NLK: variants seen among roughly 807,000 people sequenced by gnomAD.
NLK encodes serine/threonine-protein kinase NLK.
NLK carries 11 observed loss-of-function variants against 59.0 expected under a neutral mutation model. The ratio of observed to expected loss-of-function variants is 0.19; its 90% CI spans 0.12 to 0.31. NLK has a LOEUF of 0.31. Ranked by LOEUF, NLK falls within the 10% of genes least tolerant of loss-of-function variation. The probability of loss-of-function intolerance (pLI) is 1.00; values close to 1 mark genes in which losing one functional copy is unlikely to be tolerated. For synonymous variants in NLK, 235 were observed against 235.9 expected (o/e 1.00, Z 0.03); for missense variants, 410 against 661.1 (o/e 0.62, Z 4.16).
intron 3 of NLK, among the ~76,000 whole-genome samples, chr17:28,158,808 T>C (rs779573318): frequency 1.3e-5 from 2 of 152,150 alleles, no homozygotes; most frequent in Non-Finnish European, 2.9e-5. Flanking sequence ...AAGTTTTTTG[T>C]AGAGTTGAGG....
Position 28,194,845 on chromosome 17 carries a change from T to G in NLK, c.*209T>G. On this transcript the variant is annotated 3_prime_UTR_variant, in exon 11 of 11. Coordinates refer to ENST00000407008, the MANE Select transcript of NLK (RefSeq NM_016231.5). ...TGGTTGTGCTTTTAGAAGAAAAATA[T>G]TTTACCCAGAGTTGCACATGTTTTA... 1 of 392,974 alleles carries G rather than the reference T, an allele frequency of 2.5e-6. No homozygotes were observed. Among genetic ancestry groups the G allele is most frequent in the Non-Finnish European group, 4.5e-6 (1 of 221,278 alleles). The allele number at this position is 392,974 out of a possible 1,614,324, so 24.3% of individuals were successfully genotyped here. A position where few individuals can be genotyped will look rare whatever the true frequency, so the allele number is the denominator to read the frequency against.
At chr17:28,165,991 G>A (rs1183856846) in intron 5 of NLK, among the ~76,000 whole-genome samples, 2 of 152,208 alleles carry the variant, frequency 1.3e-5, no homozygotes, top group African/African-American at 4.8e-5. Context: ...GAGGTGGGCA[G>A]ATCACTTGAG....
At chr17:28,142,203 C>CT (rs955746134) in intron 3 of NLK, among the ~76,000 whole-genome samples, 1 of 151,684 alleles carries the variant, frequency 6.6e-6, no homozygotes, top group East Asian at 1.9e-4. Flanking sequence ...CCGCTTTTTT[C>CT]TTTTTTTTCT....
At chr17:28,096,949 G>C (rs572839221) in intron 1 of NLK, among the ~76,000 whole-genome samples, 1 of 152,124 alleles carries the variant, frequency 6.6e-6, no homozygotes, top group Non-Finnish European at 1.5e-5. Context: ...ACAGTGATAG[G>C]ATGGAGCCTT....
chr17:28,169,210 T>C (rs1908364648), intron 6 of NLK, among the ~76,000 whole-genome samples: 1 of 152,226 alleles, frequency 6.6e-6, no homozygotes, highest in Non-Finnish European at 1.5e-5. Flanking sequence ...TATGCACTGA[T>C]GCATAGCTGT....
chr17:28,086,572 A>G (rs868653243), intron 1 of NLK, among the ~76,000 whole-genome samples: 14 of 152,140 alleles, frequency 9.2e-5, no homozygotes, highest in Non-Finnish European at 7.3e-5. Context: ...GCAAACCTAC[A>G]TAACTGAATT....
chr17:28,045,187 AC>A (rs143943023), intron 1 of NLK, among the ~76,000 whole-genome samples: 19 of 152,288 alleles, frequency 1.2e-4, no homozygotes, highest in Non-Finnish European at 8.8e-5. Flanking sequence ...TGTCTCATGT[AC>A]TTAAAGTACA....
At chr17:28,132,823 C>G in intron 3 of NLK, 148 bp downstream of exon 3, 2 of 686,286 alleles carry the variant, frequency 2.9e-6, no homozygotes. Context: ...ATTTTGAAAT[C>G]CTGTGTGTCT....
intron 1 of NLK, among the ~76,000 whole-genome samples, chr17:28,105,630 CCT>C (rs1298209735): frequency 1.3e-5 from 2 of 152,106 alleles, no homozygotes; most frequent in East Asian, 3.9e-4. Flanking sequence ...CAGATAAACC[CCT>C]GTCAGGTGTT....
At chr17:28,127,450 G>C (rs911914771) in intron 2 of NLK, among the ~76,000 whole-genome samples, 2 of 152,172 alleles carry the variant, frequency 1.3e-5, no homozygotes, top group Admixed American at 6.5e-5. Context: ...AATACTAAGT[G>C]CTAACTAATA....
At chr17:28,072,567 G>T (rs569713222) in intron 1 of NLK, among the ~76,000 whole-genome samples, 4 of 151,790 alleles carry the variant, frequency 2.6e-5, no homozygotes, top group African/African-American at 9.7e-5. Context: ...AGATGAGTGC[G>T]CTGATCTTTT....
chr17:28,065,809 A>G (rs1303233103), intron 1 of NLK, among the ~76,000 whole-genome samples: 1 of 152,144 alleles, frequency 6.6e-6, no homozygotes, highest in Non-Finnish European at 1.5e-5. Flanking sequence ...CATGGTATAT[A>G]ACCTTTGTTG....
rs1597700155 is a variant in NLK, at chr17:28,132,608, T to G, written c.589-12T>G. ...TGTTCTCTAAATTTGACTTTTTTTT[T>G]CCTTTTCTCAGGTACTCTCTGCCCT... On this transcript the variant is annotated splice_polypyrimidine_tract_variant and intron_variant, in intron 2 of 10. Transcript: ENST00000407008. 6.3e-7 allele frequency: 1 copy of G among 1,599,624 alleles called. No individual in the cohort carries two copies. Among genetic ancestry groups the G allele is most frequent in the Non-Finnish European group, 8.5e-7 (1 of 1,172,162 alleles).
At chr17:28,077,295 A>G (rs968606343) in intron 1 of NLK, among the ~76,000 whole-genome samples, 1 of 151,934 alleles carries the variant, frequency 6.6e-6, no homozygotes, top group Admixed American at 6.6e-5. Flanking sequence ...TGGGAGGCGA[A>G]AGGCACCTCT....
chr17:28,094,233 C>G (rs1440786854), intron 1 of NLK, among the ~76,000 whole-genome samples: 1 of 152,164 alleles, frequency 6.6e-6, no homozygotes, highest in Non-Finnish European at 1.5e-5. Context: ...TTAGATTCTT[C>G]AGGTTTCTGA....
intron 7 of NLK, among the ~76,000 whole-genome samples, chr17:28,180,400 G>A (rs1908859844): frequency 6.6e-6 from 1 of 152,184 alleles, no homozygotes; most frequent in Non-Finnish European, 1.5e-5. Context: ...TTGCCCACCA[G>A]AGAAGTCTTT....
intron 8 of NLK, among the ~76,000 whole-genome samples, chr17:28,190,102 G>C (rs1567742409): frequency 6.6e-6 from 1 of 152,188 alleles, no homozygotes; most frequent in Non-Finnish European, 1.5e-5. Flanking sequence ...ATGTGAAGAA[G>C]TGCTTGGTCA....
chr17:28,127,125 T>C (rs1597697148), intron 2 of NLK, among the ~76,000 whole-genome samples: 1 of 152,096 alleles, frequency 6.6e-6, no homozygotes, highest in Admixed American at 6.5e-5. Context: ...ACAATAACAC[T>C]AAGTACACAG....
intron 1 of NLK, among the ~76,000 whole-genome samples, chr17:28,090,605 C>T (rs1439166009): frequency 2.0e-5 from 3 of 151,774 alleles, no homozygotes; most frequent in Admixed American, 6.6e-5. Flanking sequence ...ACCTGTAATC[C>T]CAACACTTTG....
Sources: allele counts gnomAD v4.1 joint callset (sites outside exome capture counted in the v4.1 genomes callset), GRCh38; gene constraint gnomAD v4.1.1; transcripts MANE v1.5; gene names NCBI Gene and HGNC (gene_info 2026-07-23, HGNC 2026-07-21).